ARMC12: variants seen among roughly 807,000 people sequenced by gnomAD.
ARMC12 encodes armadillo repeat-containing protein 12.
A neutral mutation model predicts 37.4 loss-of-function variants in ARMC12; 25 were observed. The observed-to-expected ratio is 0.67, with a 90% confidence interval of 0.49 to 0.93. ARMC12 has a LOEUF of 0.93. Ranked by LOEUF, ARMC12 falls within the 40% of genes least tolerant of loss-of-function variation. The pLI is 0.00. For missense variants in ARMC12, 384 were observed against 426.6 expected (o/e 0.90, Z 0.88); for synonymous variants, 167 against 176.1 (o/e 0.95, Z 0.41).
rs950153284 is a variant in ARMC12, at chr6:35,748,856, A to G, written c.1009A>G (p.Lys337Glu). 5.6e-6 allele frequency: 9 copies of G among 1,609,598 alleles called. No homozygotes were observed. The highest frequency in any genetic ancestry group is 3.3e-5 in the South Asian group (3 of 90,688). Residue 337 changes from lysine (K) to glutamate (E), a missense_variant, in exon 6 of 6, where the codon AAA (lysine) becomes GAA (glutamate). Transcript: ENST00000373866. The stretch of plus-strand genomic sequence containing the variant: ...CTGCCAGCCCAGTCGTTCCTACTTT[A>G]AAAACACGGAATAAAATTAAGGAGA... ...SSCQPSRSYF[K>E]NTE
chr6:35,733,098 G>C (rs549242416), upstream of ARMC12, among the ~76,000 whole-genome samples: 44 of 152,272 alleles, frequency 2.9e-4, no homozygotes, highest in African/African-American at 1.1e-3. Flanking sequence ...CTTGAACCTG[G>C]GAGGCGGAGG....
At chr6:35,736,296 G>T (rs946297990), upstream of ARMC12, among the ~76,000 whole-genome samples, 1 of 152,202 alleles carries the variant, frequency 6.6e-6, no homozygotes, top group Non-Finnish European at 1.5e-5. Flanking sequence ...CTGATGCGGG[G>T]AGGGAACCCT....
Position 35,738,081 on chromosome 6 carries a change from T to G in ARMC12, c.218T>G (p.Leu73Arg), listed in dbSNP as rs1356846224. Residue 73 changes from leucine (L) to arginine (R), a missense_variant, in exon 2 of 6, where the codon CTC becomes CGC. Coordinates refer to ENST00000373866, the MANE Select transcript of ARMC12 (RefSeq NM_001286574.2). ...CGGGACTCAGGTGAGCTCCGGAGGC[T>G]CCTCAACTCTTTGGAGTGCAAACAG... ...HGRDSGELRR[L>R]LNSLECKQDE... The G allele has an allele frequency of 6.2e-7, 1 of 1,614,062 alleles. No homozygotes were observed. The highest frequency in any genetic ancestry group is 1.3e-5 in the African/African-American group (1 of 75,020).
rs369155496 is a variant in ARMC12, at chr6:35,738,056, C to T, written c.193C>T (p.Arg65Trp). 50 of 1,613,696 alleles carry T rather than the reference C, an allele frequency of 3.1e-5. No individual in the cohort carries two copies. In the East Asian group the frequency reaches 4.7e-4, roughly 15 times the overall value. Residue 65 changes from arginine to tryptophan, a missense_variant, in exon 2 of 6, where the codon CGG becomes TGG. Physicochemically the swap from Arg to Trp is moderately radical, Grantham distance 101 (BLOSUM62 -3). Transcript: ENST00000373866. ...RLAVERERHG[R>W]DSGELRRLLN... ...GGCAGTCGAGCGAGAGCGGCACGGG[C>T]GGGACTCAGGTGAGCTCCGGAGGCT...
chr6:35,741,993 G>T (rs577371295), intron 3 of ARMC12, among the ~76,000 whole-genome samples: 10 of 151,908 alleles, frequency 6.6e-5, no homozygotes, highest in African/African-American at 2.4e-4. Context: ...TAGTAGCTAG[G>T]ATTACAGGCA....
rs753913945 is a variant in ARMC12, at chr6:35,747,352, T to C, written c.536T>C (p.Leu179Pro). 1.4e-5 allele frequency: 22 copies of C among 1,614,172 alleles called. 1 individual carries two copies. Among genetic ancestry groups the C allele is most frequent in the Non-Finnish European group, 1.8e-5 (21 of 1,180,030 alleles). Residue 179 changes from leucine (L) to proline (P), a missense_variant, in exon 4 of 6, where the codon CTG (leucine) becomes CCG (proline). Coordinates refer to ENST00000373866, the MANE Select transcript of ARMC12 (RefSeq NM_001286574.2). ...CTCAGACTCCTCAACAACCTTCCAC[T>C]GCCCGACTATGTGCATCCACAGCTG... ...AGLRLLNNLP[L>P]PDYVHPQLRR...
chr6:35,738,216 G>A, intron 2 of ARMC12, 44 bp downstream of exon 2: 1 of 1,593,776 alleles, frequency 6.3e-7, no homozygotes, highest in East Asian at 2.2e-5. Flanking sequence ...TGGCCCCTGG[G>A]GGTTACGGCC....
chr6:35,738,283 CGG>C, intron 2 of ARMC12, 99 bp from the exon 3 acceptor site: 6 of 572,464 alleles, frequency 1.0e-5, no homozygotes, highest in Admixed American at 6.1e-5. Context: ...TGGCTGATAG[CGG>C]TGGGGGGGGG....
upstream of ARMC12, among the ~76,000 whole-genome samples, chr6:35,734,408 C>T (rs1044630252): frequency 5.3e-5 from 8 of 152,162 alleles, no homozygotes; most frequent in Non-Finnish European, 1.2e-4. Context: ...GCAATCCACT[C>T]GCCTCAGCCT....
Position 35,748,605 on chromosome 6 carries a change from T to C in ARMC12, c.758T>C (p.Val253Ala), listed in dbSNP as rs754545136. 1 of 1,597,784 alleles carries C rather than the reference T, an allele frequency of 6.3e-7. No individual in the cohort carries two copies. The highest frequency in any genetic ancestry group is 1.1e-5 in the South Asian group (1 of 87,482). ...GGGAGTCTCCTGTATGAGGTACTGG[T>C]GTTTGCTGAGCGGCTGAGTGAGGGC... ...QSGSLLYEVL[V>A]FAERLSEGRN... The change falls in exon 6 of 6, where the codon GTG becomes GCG. Residue 253 changes from valine to alanine, a missense_variant. By Grantham distance (64) the Val-to-Ala change is moderately conservative. Transcript: ENST00000373866.
intron 2 of ARMC12, 92 bp from the exon 3 acceptor site, chr6:35,738,292 G>GGT (rs1767052415): frequency 1.4e-6 from 2 of 1,430,282 alleles, no homozygotes; most frequent in Admixed American, 1.9e-5. Flanking sequence ...GCGGTGGGGG[G>GGT]GGGGTGTGCG....
At chr6:35,746,242 G>A (rs1767334637) in intron 3 of ARMC12, among the ~76,000 whole-genome samples, 1 of 152,028 alleles carries the variant, frequency 6.6e-6, no homozygotes, top group South Asian at 2.1e-4. Context: ...GTGAGAGTGA[G>A]TTGTGAGTAT....
At position 35,737,189 on chromosome 6, in the gene ARMC12, G is replaced by A. The variant is rs780828728; in HGVS notation, c.81G>A (p.Ala27=). Residue 27 remains alanine (A), a synonymous_variant, in exon 1 of 6, where the codon GCG becomes GCA. Transcript: ENST00000373866. Reference sequence around the variant, plus strand: ...TCAGCCTGGCCACAGGCGCCGGGGCGATCTACCTGCTCTACAAGGCCATCA... The same window carrying A: ...TCAGCCTGGCCACAGGCGCCGGGGCAATCTACCTGCTCTACAAGGCCATCA... ...SVVSLATGAG[A]IYLLYKAIKA... is the part of the protein sequence containing the mutation. 1.1e-5 allele frequency: 17 copies of A among 1,614,120 alleles called. No homozygotes were observed. Among genetic ancestry groups the A allele is most frequent in the African/African-American group, 6.7e-5 (5 of 74,944 alleles).
At chr6:35,737,337 G>T (rs1263606559) in intron 1 of ARMC12, 66 bp downstream of exon 1, 1 of 1,614,066 alleles carries the variant, frequency 6.2e-7, no homozygotes, top group Non-Finnish European at 8.5e-7. Context: ...GGCCTCTGCT[G>T]TGGGAGGGCC....
rs1328269840 is a variant in ARMC12, at chr6:35,738,035, G to A, written c.172G>A (p.Val58Ile). The change falls in exon 2 of 6, where the codon GTC (valine) becomes ATC (isoleucine). Residue 58 changes from valine to isoleucine, a missense_variant. Val to Ile is a conservative substitution (Grantham distance 29). Transcript: ENST00000373866. Reference sequence around the variant, plus strand: ...CTGGGGTGGCTGTCTAGGCCTGGCAGTCGAGCGAGAGCGGCACGGGCGGGA... The same window carrying A: ...CTGGGGTGGCTGTCTAGGCCTGGCAATCGAGCGAGAGCGGCACGGGCGGGA... ...NSPICIARLAVERERHGRDSG... is the reference protein window; with the variant it reads ...NSPICIARLAIERERHGRDSG... The A allele has an allele frequency of 6.2e-7, 1 of 1,613,324 alleles. No individual in the cohort carries two copies. The highest frequency in any genetic ancestry group is 8.5e-7 in the Non-Finnish European group (1 of 1,180,036).
intron 2 of ARMC12, 44 bp downstream of exon 2, chr6:35,738,216 G>C: frequency 1.3e-6 from 2 of 1,593,776 alleles, no homozygotes; most frequent in Non-Finnish European, 1.7e-6. Flanking sequence ...TGGCCCCTGG[G>C]GGTTACGGCC....
chr6:35,747,552 T>G (rs1767379062), intron 4 of ARMC12, 24 bp from the exon 5 acceptor site: 1 of 1,613,816 alleles, frequency 6.2e-7, no homozygotes, highest in African/African-American at 1.3e-5. Flanking sequence ...TGCCTTCTCA[T>G]GCTTTACTCT....
rs139872715 is a variant in ARMC12 at position 35,747,378 on chromosome 6, C to T, written c.562C>T (p.Arg188Ter). The change falls in exon 4 of 6, where the codon CGA (arginine) becomes TGA (stop). Residue 188 changes from arginine (R) to a stop codon, truncating the protein, a stop_gained. Coordinates refer to ENST00000373866, the MANE Select transcript of ARMC12 (RefSeq NM_001286574.2). LOFTEE classifies it high-confidence loss of function. ...GCCCGACTATGTGCATCCACAGCTG[C>T]GACGGGTGATGCCTGCCTTGATGGA... ...PLPDYVHPQL[R>*]RVMPALMEIL... is the part of the protein sequence containing the mutation. 21 of 1,614,112 alleles carry T rather than the reference C, an allele frequency of 1.3e-5. No individual in the cohort carries two copies. Among genetic ancestry groups the T allele is most frequent in the African/African-American group, 5.3e-5 (4 of 74,928 alleles).
intron 3 of ARMC12, among the ~76,000 whole-genome samples, chr6:35,740,522 A>G (rs886536502): frequency 2.0e-5 from 3 of 152,214 alleles, no homozygotes; most frequent in Admixed American, 1.3e-4. Context: ...TCCCAAATTA[A>G]AAACAAATAA....
Sources: allele counts gnomAD v4.1 joint callset (sites outside exome capture counted in the v4.1 genomes callset), GRCh38; gene constraint gnomAD v4.1.1; transcripts MANE v1.5; gene names NCBI Gene and HGNC (gene_info 2026-07-23, HGNC 2026-07-21).